PIK3CD: variants seen among roughly 807,000 people sequenced by gnomAD.
PIK3CD encodes phosphatidylinositol-4,5-bisphosphate 3-kinase catalytic subunit delta.
A neutral mutation model predicts 122.9 loss-of-function variants in PIK3CD; 20 were observed. That is an observed-to-expected ratio of 0.16 (90% confidence interval 0.11 to 0.24). The LOEUF (loss-of-function observed/expected upper bound fraction) is 0.24. PIK3CD is among the 10% of genes least tolerant of loss of function. The probability of loss-of-function intolerance (pLI) is 1.00; values close to 1 mark genes in which losing one functional copy is unlikely to be tolerated. For missense variants in PIK3CD, 787 were observed against 1,406.3 expected (o/e 0.56, Z 7.04); for synonymous variants, 596 against 593.4 (o/e 1.00, Z -0.06).
chr1:9,645,020 CTTTTCTTTTTTTT>C, the PIK3CD span, among the ~76,000 whole-genome samples: 1 of 120,724 alleles, frequency 8.3e-6, no homozygotes, highest in South Asian at 3.0e-4. Context: ...CTTTTCTTTT[CTTTTCTTTTTTTT>C]TTTTTTTTTT....
At chr1:9,650,843 C>T (rs199696804), upstream of PIK3CD, among the ~76,000 whole-genome samples, 2 of 146,724 alleles carry the variant, frequency 1.4e-5, no homozygotes, top group Non-Finnish European at 3.0e-5. Flanking sequence ...TGGAGATTTT[C>T]CTTTTCTTTT....
intron 1 of PIK3CD, among the ~76,000 whole-genome samples, chr1:9,676,706 G>C (rs567880658): frequency 6.6e-6 from 1 of 152,154 alleles, no homozygotes; most frequent in Admixed American, 6.5e-5. Flanking sequence ...TTCCTTCCCC[G>C]TCACCTCCTT....
At chr1:9,692,745 TA>T (rs1646252144) in intron 2 of PIK3CD, among the ~76,000 whole-genome samples, 1 of 151,892 alleles carries the variant, frequency 6.6e-6, no homozygotes, top group Admixed American at 6.6e-5. Flanking sequence ...AATAAATAAA[TA>T]AAATAAATCA....
intron 1 of PIK3CD, among the ~76,000 whole-genome samples, chr1:9,680,381 G>GCTGAACTCACTTGAGC (rs1302232333): frequency 1.2e-4 from 19 of 152,078 alleles, no homozygotes; most frequent in African/African-American, 4.6e-4. Flanking sequence ...GGAGGCTGAG[G>GCTGAACTCACTTGAGC]CTGAACTCAC....
chr1:9,677,942 A>G (rs1645599818), intron 1 of PIK3CD, among the ~76,000 whole-genome samples: 1 of 151,976 alleles, frequency 6.6e-6, no homozygotes, highest in South Asian at 2.1e-4. Context: ...ACCTGAGGTC[A>G]GGAGTTCGAG....
chr1:9,724,240 C>T lies in PIK3CD; in HGVS notation c.2719-36C>T. ...CCCTGGATTCTCTCCTGTCTGACACCTTCTCAATCCTCCCCCTCCTCTCCC... is the reference window on the plus strand; with the variant it reads ...CCCTGGATTCTCTCCTGTCTGACACTTTCTCAATCCTCCCCCTCCTCTCCC... On this transcript the variant is annotated intron_variant, in intron 21 of 23. Transcript: ENST00000377346. This position sits in a 1 kb window ranked among gnomAD's most constrained non-coding sequence, Gnocchi z 7.3. 6.2e-7 allele frequency: 1 copy of T among 1,613,762 alleles called. No homozygotes were observed. The highest frequency in any genetic ancestry group is 8.5e-7 in the Non-Finnish European group (1 of 1,179,888).
the PIK3CD span, among the ~76,000 whole-genome samples, chr1:9,628,056 A>G: frequency 6.6e-6 from 1 of 152,300 alleles, no homozygotes; most frequent in East Asian, 1.9e-4. Context: ...TAGTCCCAGC[A>G]CTTTGGGAGG....
chr1:9,702,709 C>T (rs1347441599), intron 2 of PIK3CD, among the ~76,000 whole-genome samples: 3 of 150,824 alleles, frequency 2.0e-5, no homozygotes, highest in African/African-American at 4.9e-5. Flanking sequence ...TTAGTAGAGA[C>T]GGGGTTTCAC....
At chr1:9,673,047 A>G (rs1368106234) in intron 1 of PIK3CD, among the ~76,000 whole-genome samples, 2 of 150,488 alleles carry the variant, frequency 1.3e-5, no homozygotes, top group Non-Finnish European at 2.9e-5. Flanking sequence ...TCACAGGTTC[A>G]TCTTTCTGTA....
chr1:9,637,494 T>C, the PIK3CD span, among the ~76,000 whole-genome samples: 4 of 151,782 alleles, frequency 2.6e-5, no homozygotes, highest in Admixed American at 2.6e-4. Flanking sequence ...CCAGCCTGGG[T>C]GACAGAGCAA....
At chr1:9,640,727 G>A in the PIK3CD span, among the ~76,000 whole-genome samples, 4 of 151,962 alleles carry the variant, frequency 2.6e-5, no homozygotes, top group Admixed American at 6.6e-5. Context: ...TTTCACATGT[G>A]AATCACAGTC....
At chr1:9,699,484 C>T (rs1646544331) in intron 2 of PIK3CD, among the ~76,000 whole-genome samples, 1 of 152,190 alleles carries the variant, frequency 6.6e-6, no homozygotes, top group South Asian at 2.1e-4. Context: ...TACTGGACTC[C>T]TCACCATGGC....
upstream of PIK3CD, among the ~76,000 whole-genome samples, chr1:9,648,300 C>T (rs1197939725): frequency 6.6e-6 from 1 of 152,176 alleles, no homozygotes; most frequent in Non-Finnish European, 1.5e-5. Flanking sequence ...CTTGGCATGC[C>T]TCCATTCTCC....
chr1:9,685,381 T>C (rs1216264638), intron 1 of PIK3CD, among the ~76,000 whole-genome samples: 1 of 152,108 alleles, frequency 6.6e-6, no homozygotes, highest in Non-Finnish European at 1.5e-5. Context: ...TTTTTTGAGA[T>C]GGAGTCTCGC....
intron 1 of PIK3CD, among the ~76,000 whole-genome samples, chr1:9,655,455 C>G (rs1007981357): frequency 7.5e-6 from 1 of 132,742 alleles, no homozygotes; most frequent in Admixed American, 7.5e-5. Flanking sequence ...CGCCCCCCCC[C>G]CTTTTTTATT....
rs910896513 is a variant in PIK3CD, at chr1:9,717,167, A to G, written c.930+59A>G. 7 of 1,599,630 alleles carry G rather than the reference A, an allele frequency of 4.4e-6. No individual in the cohort carries two copies. The highest frequency in any genetic ancestry group is 1.7e-5 in the Admixed American group (1 of 59,988). Reference sequence around the variant, plus strand: ...ACCCCTTCTTTCCACCTGGCGTCCAACTCCATGTGCTACTGGCCATGGGTC... The same window carrying G: ...ACCCCTTCTTTCCACCTGGCGTCCAGCTCCATGTGCTACTGGCCATGGGTC... On this transcript the variant is annotated intron_variant, in intron 7 of 23. Transcript: ENST00000377346. This position sits in a 1 kb window ranked among gnomAD's most constrained non-coding sequence, Gnocchi z 5.4.
At chr1:9,703,830 C>T (rs1251470880) in intron 2 of PIK3CD, among the ~76,000 whole-genome samples, 2 of 152,126 alleles carry the variant, frequency 1.3e-5, no homozygotes, top group South Asian at 2.1e-4. Flanking sequence ...CACTCTTGCC[C>T]GTGTCTTTTG....
intron 16 of PIK3CD, 26 bp downstream of exon 16, chr1:9,721,886 G>A: frequency 1.2e-6 from 2 of 1,611,892 alleles, no homozygotes; most frequent in Non-Finnish European, 1.7e-6. Flanking sequence ...CTGGGGGGCG[G>A]GCAGGGGGCG....
upstream of PIK3CD, among the ~76,000 whole-genome samples, chr1:9,649,836 AG>A (rs1379372940): frequency 9.2e-5 from 14 of 152,266 alleles, no homozygotes; most frequent in African/African-American, 1.4e-4. Flanking sequence ...CAAAGCCTGG[AG>A]GTCGCTGCTG....
Sources: gnomAD v4.1 joint callset for allele counts (sites outside exome capture counted in the v4.1 genomes callset) on GRCh38, gnomAD v4.1.1 for gene constraint, Gnocchi (gnomAD v3.1) non-coding constraint, MANE v1.5 for transcripts, NCBI Gene and HGNC (gene_info 2026-07-23, HGNC 2026-07-21) for gene names.